The following UNC79 variants were observed in gnomAD, a reference collection of about 807,000 sequenced individuals.
UNC79 encodes the protein protein unc-79 homolog.
Under a neutral mutation model 283.1 loss-of-function variants are expected in UNC79, and 37 were observed. The observed-to-expected ratio is 0.13, with a 90% CI of 0.10 to 0.17. UNC79 has a LOEUF of 0.17. UNC79 is among the 10% of genes least tolerant of loss of function. The pLI is 1.00. For synonymous variants in UNC79, 1,107 were observed against 1,200.2 expected (o/e 0.92, Z 1.61); for missense variants, 2,272 against 3,211.1 (o/e 0.71, Z 7.07).
rs953279050 is a variant in UNC79 at position 93,333,378 on chromosome 14, T to A, written c.-496T>A. 8.0e-5 allele frequency: 32 copies of A among 398,596 alleles called. No individual in the cohort carries two copies. In the Admixed American group the frequency reaches 1.4e-3, roughly 18 times the overall value. The allele number at this position is 398,596 out of a possible 1,614,324, so 24.7% of individuals were successfully genotyped here. On this transcript the variant is annotated 5_prime_UTR_variant, in exon 1 of 50. Coordinates refer to the UNC79 transcript ENST00000256339. Reference sequence around the variant, plus strand: ...TCACCAGATGGCCATTTCCACGAATTCATGTTTCCGTTCGGCGGCCGGCGT... The same window carrying A: ...TCACCAGATGGCCATTTCCACGAATACATGTTTCCGTTCGGCGGCCGGCGT...
intron 1 of UNC79, among the ~76,000 whole-genome samples, chr14:93,431,767 A>G (rs1444852149): frequency 1.3e-5 from 2 of 152,172 alleles, no homozygotes; most frequent in Admixed American, 1.3e-4. Context: ...GTAATGACTG[A>G]CTGTGTGCGT....
chr14:93,513,754 A>G (rs888343152), intron 7 of UNC79, among the ~76,000 whole-genome samples: 1 of 152,146 alleles, frequency 6.6e-6, no homozygotes, highest in African/African-American at 2.4e-5. Flanking sequence ...CTCTACTATC[A>G]AATATTGGAA....
At chr14:93,645,357 A>T (rs1240007906) in intron 34 of UNC79, among the ~76,000 whole-genome samples, 1 of 152,202 alleles carries the variant, frequency 6.6e-6, no homozygotes, top group African/African-American at 2.4e-5. Flanking sequence ...CATATATTTA[A>T]ATCTCTACCT....
chr14:93,503,695 C>T (rs2059402101), intron 7 of UNC79, among the ~76,000 whole-genome samples: 1 of 151,936 alleles, frequency 6.6e-6, no homozygotes, highest in Non-Finnish European at 1.5e-5. Context: ...GCCATTTGAA[C>T]ATCCTCTTAT....
At chr14:93,634,350 G>T (rs1422654506) in intron 31 of UNC79, among the ~76,000 whole-genome samples, 171 bp from the exon 34 acceptor site, 1 of 152,152 alleles carries the variant, frequency 6.6e-6, no homozygotes. Context: ...GTGAAGAAAG[G>T]CATCCGGAAC....
At chr14:93,446,277 A>C (rs2056455917) in intron 1 of UNC79, among the ~76,000 whole-genome samples, 1 of 152,172 alleles carries the variant, frequency 6.6e-6, no homozygotes, top group Admixed American at 6.5e-5. Flanking sequence ...TTGCTTCATA[A>C]GTCCTGCTTT....
At chr14:93,401,082 G>A (rs1169111189) in intron 1 of UNC79, among the ~76,000 whole-genome samples, 1 of 152,156 alleles carries the variant, frequency 6.6e-6, no homozygotes, top group Non-Finnish European at 1.5e-5. Context: ...TATTAGTGGG[G>A]CATCCAGATA....
intron 22 of UNC79, among the ~76,000 whole-genome samples, chr14:93,589,686 C>T (rs1335865244): frequency 6.6e-6 from 1 of 152,022 alleles, no homozygotes; most frequent in Non-Finnish European, 1.5e-5. Flanking sequence ...TAAGAGGAGG[C>T]CTGGAGGAAG....
chr14:93,577,749 C>T, intron 17 of UNC79, 93 bp from the exon 18 acceptor site: 2 of 1,251,792 alleles, frequency 1.6e-6, no homozygotes. Context: ...AGTGTGACAG[C>T]TGGAAATACC....
intron 47 of UNC79, among the ~76,000 whole-genome samples, chr14:93,702,089 C>T (rs2075570473): frequency 6.6e-6 from 1 of 152,196 alleles, no homozygotes; most frequent in African/African-American, 2.4e-5. Context: ...AAGTCTGTAG[C>T]ATCAGCACCC....
At chr14:93,673,653 T>C (rs1201109381) in intron 41 of UNC79, among the ~76,000 whole-genome samples, 198 bp downstream of exon 44, 1 of 151,912 alleles carries the variant, frequency 6.6e-6, no homozygotes, top group African/African-American at 2.4e-5. Context: ...AGAAGGAGTA[T>C]TGATTTTGTT....
At chr14:93,686,794 G>A in intron 43 of UNC79, 133 bp downstream of exon 46, 1 of 947,344 alleles carries the variant, frequency 1.1e-6, no homozygotes, top group Non-Finnish European at 1.6e-6. Flanking sequence ...CCCCTGTCTT[G>A]GGGGATCAAA....
chr14:93,472,971 A>G (rs1445798640), intron 2 of UNC79, among the ~76,000 whole-genome samples: 1 of 152,118 alleles, frequency 6.6e-6, no homozygotes, highest in African/African-American at 2.4e-5. Flanking sequence ...CAAAACCTAA[A>G]CATTTTGCTA....
intron 1 of UNC79, among the ~76,000 whole-genome samples, chr14:93,387,561 C>T (rs367668121): frequency 6.0e-4 from 92 of 152,194 alleles, no homozygotes; most frequent in African/African-American, 2.0e-3. Flanking sequence ...AAGTTCCTCT[C>T]GTTATTCATT....
upstream of UNC79, among the ~76,000 whole-genome samples, chr14:93,427,407 G>A (rs1054587880): frequency 6.6e-6 from 1 of 151,866 alleles, no homozygotes; most frequent in African/African-American, 2.4e-5. Flanking sequence ...TGTATAGTGT[G>A]GTATTAATTA....
At chr14:93,562,201 A>T (rs2062602900) in intron 14 of UNC79, among the ~76,000 whole-genome samples, 1 of 152,156 alleles carries the variant, frequency 6.6e-6, no homozygotes, top group South Asian at 2.1e-4. Flanking sequence ...TTGGGGTACT[A>T]TAGATGACTA....
intron 19 of UNC79, among the ~76,000 whole-genome samples, chr14:93,581,351 C>G (rs1455933736): frequency 6.6e-6 from 1 of 150,382 alleles, no homozygotes; most frequent in African/African-American, 2.4e-5. Context: ...TTTAAACATT[C>G]TTTTAGAGAT....
chr14:93,415,712 T>C (rs916256567), intron 1 of UNC79, among the ~76,000 whole-genome samples: 1 of 151,946 alleles, frequency 6.6e-6, no homozygotes, highest in African/African-American at 2.4e-5. Context: ...GTTATTGGTC[T>C]ATTCAGAGAT....
At chr14:93,570,124 T>A (rs747849131) in intron 14 of UNC79, among the ~76,000 whole-genome samples, 22 of 152,192 alleles carry the variant, frequency 1.4e-4, no homozygotes, top group Admixed American at 1.1e-3. Flanking sequence ...TTTAAAAAAA[T>A]TTTGTTTAGA....
Sources: gnomAD v4.1 joint callset for allele counts (sites outside exome capture counted in the v4.1 genomes callset) on GRCh38, gnomAD v4.1.1 for gene constraint, MANE v1.5 for transcripts, NCBI Gene and HGNC (gene_info 2026-07-23, HGNC 2026-07-21) for gene names.